Variants in DNAAF4 observed in about 807,000 individuals in gnomAD.
The protein encoded by DNAAF4 is dynein assembly factor 4, axonemal.
A neutral mutation model predicts 51.8 loss-of-function variants in DNAAF4; 43 were observed. The observed-to-expected ratio is 0.83, with a 90% CI of 0.65 to 1.07. The LOEUF (loss-of-function observed/expected upper bound fraction) is 1.07, where lower values mean the gene tolerates loss of function less well. DNAAF4 is among the 50% of genes least tolerant of loss of function. DNAAF4 has a pLI of 0.00. For synonymous variants in DNAAF4, 194 were observed against 165.6 expected (o/e 1.17, Z -1.32); for missense variants, 581 against 493.0 (o/e 1.18, Z -1.69).
At chr15:55,455,720 C>T (rs2058010466) in intron 5 of DNAAF4, among the ~76,000 whole-genome samples, 1 of 152,110 alleles carries the variant, frequency 6.6e-6, no homozygotes, top group African/African-American at 2.4e-5. Flanking sequence ...GCGTTAGCCA[C>T]CATGCCCAGG....
downstream of DNAAF4, among the ~76,000 whole-genome samples, chr15:55,425,725 G>A (rs1008021858): frequency 3.3e-5 from 5 of 152,112 alleles, no homozygotes; most frequent in South Asian, 2.1e-4. Context: ...AAGAGCTAAC[G>A]TGTGGAAAAT....
intron 9 of DNAAF4, 83 bp downstream of exon 9, chr15:55,432,414 A>T: frequency 8.8e-7 from 1 of 1,132,256 alleles, no homozygotes; most frequent in East Asian, 2.4e-5. Context: ...TGGAGTCCTT[A>T]AAAGTCACGA....
In DNAAF4 at chr15:55,454,896, G is replaced by A. The variant is rs866530261; in HGVS notation, c.638-4529C>T. Among the ~76,000 whole-genome samples, 26 of 151,966 alleles carry A rather than the reference G, an allele frequency of 1.7e-4. 1 individual carries two copies. The highest frequency in any genetic ancestry group is 6.0e-4 in the African/African-American group (25 of 41,512). ...GATTACTTTATTAAGCATCAAGCTA[G>A]ATCCATTATACTTCATCCTGGGTGA... is the stretch of plus-strand genomic sequence containing the variant. On this transcript the variant is annotated intron_variant, in intron 5 of 9. Coordinates refer to ENST00000321149, the MANE Select transcript of DNAAF4 (RefSeq NM_130810.4).
At chr15:55,480,436 C>A (rs1336262744) in intron 4 of DNAAF4, among the ~76,000 whole-genome samples, 1 of 152,100 alleles carries the variant, frequency 6.6e-6, no homozygotes, top group Non-Finnish European at 1.5e-5. Flanking sequence ...ACATGTTCAT[C>A]ATAGAGAACA....
chr15:55,468,377 T>C (rs692691), intron 4 of DNAAF4, among the ~76,000 whole-genome samples: 86,055 of 152,040 alleles, frequency 0.57, 25,921 homozygotes, highest in East Asian at 0.92. Context: ...TGAATGAAAA[T>C]TTCCTGTAGT....
At chr15:55,419,396 G>A (rs917572612) in intron 7 of DNAAF4, among the ~76,000 whole-genome samples, 1 of 150,280 alleles carries the variant, frequency 6.7e-6, no homozygotes, top group Non-Finnish European at 1.5e-5. Flanking sequence ...TAGCTAATTT[G>A]TGGGGTGTGT....
intron 6 of DNAAF4, among the ~76,000 whole-genome samples, chr15:55,447,795 A>AGAGGGGAGAGGGCAGAGGGGG (rs2057858843): frequency 9.8e-6 from 1 of 102,450 alleles, no homozygotes; most frequent in Admixed American, 1.2e-4. Flanking sequence ...GGGAGAGGGG[A>AGAGGGGAGAGGGCAGAGGGGG]GAGGGGAGAG....
chr15:55,493,785 C>T (rs982607536), intron 3 of DNAAF4, among the ~76,000 whole-genome samples: 2 of 152,224 alleles, frequency 1.3e-5, no homozygotes, highest in South Asian at 4.1e-4. Context: ...CTTACTGCAG[C>T]CTCCACCTCT....
intron 6 of DNAAF4, among the ~76,000 whole-genome samples, chr15:55,445,480 T>C (rs1185370388): frequency 6.6e-6 from 1 of 151,934 alleles, no homozygotes; most frequent in Non-Finnish European, 1.5e-5. Context: ...CTCTTTCTTT[T>C]CCCCAAATTT....
chr15:55,474,219 T>C (rs2058305409), intron 4 of DNAAF4, among the ~76,000 whole-genome samples: 1 of 151,974 alleles, frequency 6.6e-6, no homozygotes, highest in African/African-American at 2.4e-5. Context: ...AAACCAAAAG[T>C]AAGTTCAGCA....
intron 6 of DNAAF4, chr15:55,442,824 A>G (rs2057735360): frequency 5.0e-6 from 8 of 1,612,914 alleles, no homozygotes; most frequent in Admixed American, 1.7e-5. Context: ...TGAGATTGGC[A>G]GTCATGACGA....
chr15:55,448,160 T>G (rs955673923), intron 6 of DNAAF4, among the ~76,000 whole-genome samples: 1 of 152,172 alleles, frequency 6.6e-6, no homozygotes, highest in African/African-American at 2.4e-5. Context: ...CTGCATCTGG[T>G]GAGATAATCA....
At chr15:55,427,489 T>C (rs7174102), downstream of DNAAF4, among the ~76,000 whole-genome samples, 2 of 151,974 alleles carry the variant, frequency 1.3e-5, no homozygotes, top group Non-Finnish European at 2.9e-5. Context: ...TAGTTCCTGG[T>C]TGGGGGGGCC....
chr15:55,434,630 C>A (rs539653487), intron 8 of DNAAF4, among the ~76,000 whole-genome samples: 7 of 151,932 alleles, frequency 4.6e-5, no homozygotes, highest in African/African-American at 1.7e-4. Flanking sequence ...CCCAGGAGTT[C>A]GAGACCTGCC....
intron 6 of DNAAF4, among the ~76,000 whole-genome samples, chr15:55,447,587 G>A (rs991636950): frequency 1.3e-5 from 2 of 151,350 alleles, no homozygotes; most frequent in African/African-American, 4.9e-5. Flanking sequence ...AGACCAGCCG[G>A]GCCAACAGAG....
intron 4 of DNAAF4, among the ~76,000 whole-genome samples, chr15:55,481,878 G>C (rs1567027627): frequency 6.6e-6 from 1 of 152,262 alleles, no homozygotes; most frequent in East Asian, 1.9e-4. Context: ...TTGCTAATTA[G>C]TTATGGGCCA....
chr15:55,461,429 T>G (rs548252604), intron 5 of DNAAF4, among the ~76,000 whole-genome samples: 2 of 151,980 alleles, frequency 1.3e-5, no homozygotes, highest in South Asian at 4.1e-4. Context: ...CAAAATTATA[T>G]CAAATACTCT....
At chr15:55,505,871 C>T (rs2058724727) in intron 1 of DNAAF4, among the ~76,000 whole-genome samples, 1 of 152,122 alleles carries the variant, frequency 6.6e-6, no homozygotes, top group Admixed American at 6.5e-5. Context: ...ACCTATGTAA[C>T]AAACCTGCAC....
chr15:55,458,937 G>T (rs745515152), intron 5 of DNAAF4, among the ~76,000 whole-genome samples: 1 of 152,004 alleles, frequency 6.6e-6, no homozygotes, highest in South Asian at 2.1e-4. Flanking sequence ...TCAGCCAGGC[G>T]TGGTGGCAGG....
Sources: allele counts gnomAD v4.1 joint callset (sites outside exome capture counted in the v4.1 genomes callset), GRCh38; gene constraint gnomAD v4.1.1; transcripts MANE v1.5; gene names NCBI Gene and HGNC (gene_info 2026-07-23, HGNC 2026-07-21).